Variants in MYH11 observed in about 807,000 individuals in gnomAD.
The protein encoded by MYH11 is myosin heavy chain 11.
In MYH11, 80 loss-of-function variants were observed where a neutral mutation model predicts 246.6. The observed-to-expected ratio is 0.32, with a 90% CI of 0.27 to 0.39. The LOEUF is 0.39. Among genes scored for constraint, MYH11 ranks in the 10% least tolerant of loss-of-function variants. The probability of loss-of-function intolerance (pLI) is 1.00; values close to 1 mark genes in which losing one functional copy is unlikely to be tolerated. For synonymous variants in MYH11, 1,071 were observed against 1,015.5 expected (o/e 1.05, Z -1.04); for missense variants, 2,158 against 2,546.8 (o/e 0.85, Z 3.29).
intron 9 of MYH11, among the ~76,000 whole-genome samples, chr16:15,770,341 A>C (rs1396098555): frequency 6.6e-6 from 1 of 152,188 alleles, no homozygotes; most frequent in Non-Finnish European, 1.5e-5. Context: ...AAACGGGCGT[A>C]GGCGTGGGAA....
chr16:15,717,426 C>T, intron 37 of MYH11, 78 bp from the exon 38 acceptor site: 3 of 1,483,242 alleles, frequency 2.0e-6, no homozygotes, highest in East Asian at 2.3e-5. Flanking sequence ...CTCTTCCTGC[C>T]TTGTTTGGCC....
At position 15,748,105 on chromosome 16, in the gene MYH11, T is replaced by C; in HGVS notation, c.2122A>G (p.Ile708Val). The change falls in exon 17 of 41, where the codon ATT becomes GTT. Residue 708 changes from isoleucine (I) to valine (V), a missense_variant. Physicochemically the swap from Ile to Val is conservative, Grantham distance 29 (BLOSUM62 3). This residue lies in a region of MYH11 where 317 missense variants were observed against 507.7 expected (regional missense o/e 0.62). Coordinates refer to ENST00000300036, the MANE Select transcript of MYH11 (RefSeq NM_002474.3). The stretch of plus-strand genomic sequence containing the variant: ...GGGAAGCCCTGCCGGCAGATGCGAA[T>C]GCCTTCCAGCACCCCATTGCACCGC... ...QLRCNGVLEG[I>V]RICRQGFPNR... The C allele has an allele frequency of 6.2e-7, 1 of 1,614,150 alleles. No individual in the cohort carries two copies. Among genetic ancestry groups the C allele is most frequent in the Non-Finnish European group, 8.5e-7 (1 of 1,180,030 alleles).
At position 15,708,834 on chromosome 16, in the gene MYH11, G is replaced by A. The variant is rs1338501284; in HGVS notation, c.5787-4711C>T. 5 of 1,610,206 alleles carry A rather than the reference G, an allele frequency of 3.1e-6. No individual in the cohort carries two copies. Among genetic ancestry groups the A allele is most frequent in the Non-Finnish European group, 4.2e-6 (5 of 1,178,574 alleles). The stretch of plus-strand genomic sequence containing the variant: ...CATCACTGCGAAGTTTCCTGTGGGG[G>A]GGGCCCTCTGAAACAGAGAGAGAAT... On this transcript the variant is annotated intron_variant, in intron 40 of 40. Coordinates refer to ENST00000300036, the MANE Select transcript of MYH11 (RefSeq NM_002474.3).
intron 10 of MYH11, among the ~76,000 whole-genome samples, chr16:15,762,782 C>T (rs1204027408): frequency 1.3e-5 from 2 of 152,218 alleles, no homozygotes; most frequent in African/African-American, 2.4e-5. Context: ...TACTCTTACT[C>T]TATCGCAATT....
chr16:15,738,519 A>C, intron 24 of MYH11, 46 bp downstream of exon 24: 1 of 1,553,656 alleles, frequency 6.4e-7, no homozygotes, highest in Non-Finnish European at 8.7e-7. Flanking sequence ...TCTCTAAAAA[A>C]AATAATAAAA....
At chr16:15,836,160 T>C (rs2043886412) in intron 2 of MYH11, among the ~76,000 whole-genome samples, 1 of 152,030 alleles carries the variant, frequency 6.6e-6, no homozygotes, top group Non-Finnish European at 1.5e-5. Flanking sequence ...AGAGAAGACA[T>C]AGACATAGGC....
intron 40 of MYH11, chr16:15,711,115 T>C (rs1392932331): frequency 6.6e-6 from 1 of 152,294 alleles, no homozygotes; most frequent in Non-Finnish European, 1.5e-5. Context: ...GCGCTCACCA[T>C]GCAGCGAGTG....
rs1377146673 is a variant in MYH11, at chr16:15,772,253, G to A, written c.890-541C>T. Among the ~76,000 whole-genome samples the A allele has an allele frequency of 4.0e-5, 6 of 151,664 alleles. No individual in the cohort carries two copies. In the East Asian group the frequency reaches 5.8e-4, roughly 15 times the overall value. ...ATTACAGGCGCCCGCCACCACGCCC[G>A]GCTAAATTTTGTATTTTTAGTAGAG... On this transcript the variant is annotated intron_variant, in intron 8 of 40. Coordinates refer to ENST00000300036, the MANE Select transcript of MYH11 (RefSeq NM_002474.3).
intron 5 of MYH11, chr16:15,786,237 G>A (rs544744316): frequency 1.8e-4 from 68 of 368,564 alleles, no homozygotes; most frequent in African/African-American, 1.3e-3. Context: ...GGGGGCTGTC[G>A]GCATCTGGCG....
intron 4 of MYH11, among the ~76,000 whole-genome samples, chr16:15,787,010 G>T (rs1192748383): frequency 6.6e-6 from 1 of 152,222 alleles, no homozygotes; most frequent in Admixed American, 6.5e-5. Context: ...GGTGGCTCAT[G>T]CCTGTGATCC....
chr16:15,704,572 T>A (rs2039347336), intron 40 of MYH11, among the ~76,000 whole-genome samples: 1 of 152,194 alleles, frequency 6.6e-6, no homozygotes, highest in East Asian at 1.9e-4. Context: ...CTTCTGTATC[T>A]CCTCACCCCC....
intron 2 of MYH11, among the ~76,000 whole-genome samples, chr16:15,829,339 C>G (rs1473120279): frequency 6.6e-6 from 1 of 152,184 alleles, no homozygotes; most frequent in Non-Finnish European, 1.5e-5. Context: ...AGCACTTAAT[C>G]CATACTTCCA....
At chr16:15,763,340 C>A (rs2041909492) in intron 10 of MYH11, among the ~76,000 whole-genome samples, 1 of 151,640 alleles carries the variant, frequency 6.6e-6, no homozygotes, top group Admixed American at 6.6e-5. Flanking sequence ...ATTTCTTTAA[C>A]AAAACAATTA....
At chr16:15,784,001 A>T (rs2042412216) in intron 5 of MYH11, among the ~76,000 whole-genome samples, 1 of 152,134 alleles carries the variant, frequency 6.6e-6, no homozygotes, top group Admixed American at 6.5e-5. Flanking sequence ...CCCACACATC[A>T]GCCCCCCAAG....
intron 20 of MYH11, among the ~76,000 whole-genome samples, chr16:15,743,338 T>C (rs2041327608): frequency 6.6e-6 from 1 of 151,998 alleles, no homozygotes; most frequent in African/African-American, 2.4e-5. Flanking sequence ...CTGGCTAATT[T>C]TTGTATTTTC....
Position 15,726,878 on chromosome 16 carries a change from C to T in MYH11, c.3828G>A (p.Ala1276=), listed in dbSNP as rs113154524. Residue 1276 remains alanine, a synonymous_variant, in exon 28 of 41, where the codon GCG becomes GCA. Transcript: ENST00000300036. ...SKCSDGERAR[A]ELNDKVHKLQ... ...GCTTGTGGACTTTGTCATTGAGCTC[C>T]GCCCGGGCCCGCTCCCCATCGCTGC... The T allele has an allele frequency of 3.6e-3, 5,787 of 1,612,150 alleles. 25 individuals carry two copies. The highest frequency in any genetic ancestry group is 7.1e-3 in the Middle Eastern group (43 of 6,062).
At chr16:15,852,568 AC>A (rs1242513943) in intron 1 of MYH11, among the ~76,000 whole-genome samples, 1 of 151,868 alleles carries the variant, frequency 6.6e-6, no homozygotes, top group Non-Finnish European at 1.5e-5. Context: ...TGAACTCCTG[AC>A]CTCAGGTGAC....
intron 2 of MYH11, among the ~76,000 whole-genome samples, chr16:15,829,636 C>T (rs937738483): frequency 6.6e-6 from 1 of 152,220 alleles, no homozygotes; most frequent in Non-Finnish European, 1.5e-5. Context: ...CAGCCGGCAT[C>T]TCATGGGCCC....
rs1315140356 is a variant in MYH11, at chr16:15,717,497, T to C, written c.5296-149A>G. On this transcript the variant is annotated intron_variant, in intron 37 of 40. Transcript: ENST00000300036. Reference sequence around the variant, plus strand: ...TCTCCTTCATCCTGTAAAACTCCACTCAAGAGCTTCTTCCAGGCCGGGCGT... The same window carrying C: ...TCTCCTTCATCCTGTAAAACTCCACCCAAGAGCTTCTTCCAGGCCGGGCGT... The C allele has an allele frequency of 3.9e-6, 3 of 767,500 alleles. No homozygotes were observed. The Admixed American group carries it at 7.4e-5, about 19-fold the overall frequency. 47.5% of individuals were successfully genotyped at this position (767,500 alleles called of 1,614,324 possible). A position where few individuals can be genotyped will look rare whatever the true frequency, so the allele number is the denominator to read the frequency against.
Sources: allele counts gnomAD v4.1 joint callset (sites outside exome capture counted in the v4.1 genomes callset), GRCh38; gene constraint gnomAD v4.1.1; regional missense constraint gnomAD v4.1.1; transcripts MANE v1.5; gene names NCBI Gene and HGNC (gene_info 2026-07-23, HGNC 2026-07-21).